PHEX: variants seen among roughly 807,000 people sequenced by gnomAD.
PHEX encodes phosphate regulating endopeptidase X-linked.
A neutral mutation model predicts 68.0 loss-of-function variants in PHEX; 16 were observed. That is an observed-to-expected ratio of 0.24 (90% CI 0.16 to 0.36). The LOEUF (loss-of-function observed/expected upper bound fraction) is 0.36. PHEX is among the 10% of genes least tolerant of loss of function. PHEX has a pLI of 1.00. For synonymous variants in PHEX, 208 were observed against 205.1 expected, an observed-to-expected ratio of 1.01 and a Z score of -0.12; for missense variants, 480 against 575.5, an observed-to-expected ratio of 0.83 and a Z score of 1.70.
chrX:22,082,603 T>C (rs1389485962), intron 5 of PHEX, among the ~76,000 whole-genome samples: 1 of 112,755 alleles, frequency 8.9e-6, no homozygotes, highest in Non-Finnish European at 1.9e-5. Flanking sequence ...AAATTCTGGA[T>C]ATTAGACCTT....
intron 20 of PHEX, among the ~76,000 whole-genome samples, chrX:22,242,853 C>G (rs1936268301): frequency 8.9e-6 from 1 of 111,900 alleles, no homozygotes; most frequent in Admixed American, 9.5e-5. Flanking sequence ...GGCCATACTG[C>G]TCAAGGTAAT....
intron 20 of PHEX, among the ~76,000 whole-genome samples, chrX:22,237,847 C>G (rs1936035898): frequency 8.9e-6 from 1 of 112,433 alleles, no homozygotes; most frequent in Non-Finnish European, 1.9e-5. Context: ...CACTTGAAGA[C>G]CATATCATAC....
chrX:22,133,418 C>T lies in PHEX; in HGVS notation c.1303-105C>T, dbSNP rs967463926. The T allele has an allele frequency of 5.2e-6, 3 of 575,127 alleles. No homozygotes were observed. In the African/African-American group the frequency reaches 6.7e-5, roughly 13 times the overall value. 47.4% of individuals were successfully genotyped at this position (575,127 alleles called of 1,213,427 possible). Reference sequence around the variant, plus strand: ...CAAGCTGAAAGAACCCCTTACTTACCATGTTGAGTAAAGAGTCATTTCTCA... The same window carrying T: ...CAAGCTGAAAGAACCCCTTACTTACTATGTTGAGTAAAGAGTCATTTCTCA... On this transcript the variant is annotated intron_variant, in intron 11 of 21. Transcript: ENST00000379374.
intron 3 of PHEX, among the ~76,000 whole-genome samples, chrX:22,050,842 T>A (rs1369597338): frequency 8.9e-6 from 1 of 111,874 alleles, no homozygotes; most frequent in Non-Finnish European, 1.9e-5. Context: ...GATTTACCCA[T>A]GCTGAACTAA....
At chrX:22,195,857 T>G (rs1934350951) in intron 15 of PHEX, among the ~76,000 whole-genome samples, 1 of 111,078 alleles carries the variant, frequency 9.0e-6, no homozygotes, top group African/African-American at 3.3e-5. Context: ...GATACAAGAG[T>G]AAAAACTCAC....
intron 20 of PHEX, among the ~76,000 whole-genome samples, chrX:22,231,886 G>T (rs1394221732): frequency 8.9e-6 from 1 of 111,991 alleles, no homozygotes; most frequent in Non-Finnish European, 1.9e-5. Context: ...GATCTTTCCT[G>T]CTTTCTCTTG....
chrX:22,064,389 A>G (rs1033041580), intron 3 of PHEX, among the ~76,000 whole-genome samples: 7 of 111,669 alleles, frequency 6.3e-5, no homozygotes, highest in Non-Finnish European at 1.3e-4. Context: ...TTTATAAGTG[A>G]GAGCATGCAG....
chrX:22,038,952 C>T (rs1321163011), intron 2 of PHEX, among the ~76,000 whole-genome samples: 5 of 111,713 alleles, frequency 4.5e-5, no homozygotes, highest in Non-Finnish European at 9.4e-5. Flanking sequence ...AATAAATCCA[C>T]GCTTCCATTG....
At position 22,114,447 on chromosome X, in the gene PHEX, A is replaced by T. The variant is rs1043671891; in HGVS notation, c.1174-11A>T. ...AAATGAAGTTTAATCTGGATCAATT[A>T]TCTCCCACAGGTAATCCAGGGGACC... On this transcript the variant is annotated splice_polypyrimidine_tract_variant and intron_variant, in intron 10 of 21. Transcript: ENST00000379374. The T allele has an allele frequency of 1.7e-6, 2 of 1,204,717 alleles. No homozygotes were observed. The highest frequency in any genetic ancestry group is 4.3e-5 in the Admixed American group (2 of 46,004).
rs1306482271 is a variant in PHEX at position 22,123,831 on chromosome X, TTC to T, written c.1302+9247_1302+9248del. On this transcript the variant is annotated intron_variant, in intron 11 of 21. Coordinates refer to ENST00000379374, the MANE Select transcript of PHEX (RefSeq NM_000444.6). ...TCGAGGAGCCAAATATAATTTCTTTTTCTTTTTTTTTTTTTTTTGAGACCAAG... is the reference window on the plus strand; with the variant it reads ...TCGAGGAGCCAAATATAATTTCTTTTTTTTTTTTTTTTTTTTGAGACCAAG... Among the ~76,000 whole-genome samples the T allele has an allele frequency of 2.8e-4, 28 of 100,208 alleles. 2 individuals are homozygous for T. Among genetic ancestry groups the T allele is most frequent in the African/African-American group, 1.3e-3 (27 of 21,463 alleles). 87.0% of individuals were successfully genotyped at this position (100,208 alleles called of 115,157 possible). A position where few individuals can be genotyped will look rare whatever the true frequency, so the allele number is the denominator to read the frequency against.
intron 5 of PHEX, among the ~76,000 whole-genome samples, chrX:22,083,800 C>G (rs1340032066): frequency 8.9e-6 from 1 of 111,924 alleles, no homozygotes; most frequent in Non-Finnish European, 1.9e-5. Flanking sequence ...TTGACTTCTT[C>G]CTTTCCAGTT....
intron 20 of PHEX, among the ~76,000 whole-genome samples, chrX:22,244,052 G>A (rs1018450694): frequency 6.2e-5 from 7 of 112,169 alleles, no homozygotes; most frequent in African/African-American, 2.3e-4. Context: ...ATCAGTGATG[G>A]ACTGGATAAA....
chrX:22,126,044 T>A (rs1931705035), intron 11 of PHEX, among the ~76,000 whole-genome samples: 1 of 112,420 alleles, frequency 8.9e-6, no homozygotes, highest in African/African-American at 3.2e-5. Flanking sequence ...TTGTATTTAC[T>A]GAGCATCTGC....
chrX:22,228,137 C>A (rs1935572783), intron 20 of PHEX, among the ~76,000 whole-genome samples: 1 of 111,954 alleles, frequency 8.9e-6, no homozygotes, highest in South Asian at 3.7e-4. Context: ...TTAATAGGCT[C>A]TTGGAGCAGA....
chrX:22,106,433 G>T (rs1304147015), intron 9 of PHEX, among the ~76,000 whole-genome samples: 1 of 111,582 alleles, frequency 9.0e-6, no homozygotes, highest in Non-Finnish European at 1.9e-5. Context: ...ATCTTTGTTG[G>T]AGTGTTTTGG....
chrX:22,228,977 C>A (rs5951730), intron 20 of PHEX, among the ~76,000 whole-genome samples: 1 of 111,096 alleles, frequency 9.0e-6, no homozygotes, highest in South Asian at 3.8e-4. Flanking sequence ...TGAGAACATG[C>A]GGGGTTTGGT....
At chrX:22,147,012 G>A (rs1158407008) in intron 12 of PHEX, among the ~76,000 whole-genome samples, 1 of 110,970 alleles carries the variant, frequency 9.0e-6, no homozygotes, top group East Asian at 2.8e-4. Flanking sequence ...AAGCAGTTGG[G>A]AAATGCCACA....
At chrX:22,071,572 A>G (rs949083354) in intron 3 of PHEX, among the ~76,000 whole-genome samples, 1 of 111,688 alleles carries the variant, frequency 9.0e-6, no homozygotes, top group African/African-American at 3.3e-5. Context: ...AGAGTATTCA[A>G]TCTAATGGAG....
chrX:22,180,118 T>C (rs976161849), intron 14 of PHEX, among the ~76,000 whole-genome samples: 2 of 111,221 alleles, frequency 1.8e-5, no homozygotes, highest in African/African-American at 6.5e-5. Flanking sequence ...TTATTTGTAG[T>C]TATTAGCCTC....
Sources: allele counts gnomAD v4.1 joint callset (sites outside exome capture counted in the v4.1 genomes callset), GRCh38; gene constraint gnomAD v4.1.1; transcripts MANE v1.5; gene names NCBI Gene and HGNC (gene_info 2026-07-23, HGNC 2026-07-21).